Variants in ETV6 observed in about 807,000 individuals in gnomAD.
The protein encoded by ETV6 is transcription factor ETV6.
Under a neutral mutation model 51.1 loss-of-function variants are expected in ETV6, and 16 were observed. The observed-to-expected ratio is 0.31, with a 90% CI of 0.21 to 0.48. The LOEUF (loss-of-function observed/expected upper bound fraction) is 0.48. Among genes scored for constraint, ETV6 ranks in the 20% least tolerant of loss-of-function variants. The pLI is 0.99. For missense variants in ETV6, 458 were observed against 594.8 expected (o/e 0.77, Z 2.39); for synonymous variants, 240 against 224.1 (o/e 1.07, Z -0.64).
At chr12:11,759,029 A>T (rs1945044411) in intron 2 of ETV6, among the ~76,000 whole-genome samples, 1 of 152,138 alleles carries the variant, frequency 6.6e-6, no homozygotes, top group Admixed American at 6.5e-5. Context: ...AACAGCCAGG[A>T]TGCTTTGGAA....
intron 2 of ETV6, among the ~76,000 whole-genome samples, chr12:11,828,099 A>C (rs114725039): frequency 5.1e-4 from 78 of 152,226 alleles, no homozygotes; most frequent in African/African-American, 1.7e-3. Context: ...GCTTCTTTGT[A>C]AGCATACATA....
chr12:11,841,942 C>T (rs371326830), intron 3 of ETV6, among the ~76,000 whole-genome samples: 3 of 151,738 alleles, frequency 2.0e-5, no homozygotes, highest in East Asian at 1.9e-4. Context: ...ATTAGCCGGG[C>T]GTAGTGGCGG....
intron 4 of ETV6, among the ~76,000 whole-genome samples, chr12:11,865,337 T>C (rs1946777368): frequency 6.6e-6 from 1 of 151,542 alleles, no homozygotes; most frequent in Non-Finnish European, 1.5e-5. Flanking sequence ...ACTTGAAAAC[T>C]AGTAGTTCCT....
intron 2 of ETV6, among the ~76,000 whole-genome samples, chr12:11,773,587 C>A (rs939254438): frequency 2.0e-5 from 3 of 152,140 alleles, no homozygotes; most frequent in Non-Finnish European, 4.4e-5. Context: ...AGCTGTGAAC[C>A]CCTTTGAAGG....
intron 7 of ETV6, 101 bp downstream of exon 7, chr12:11,886,127 G>T: frequency 2.5e-6 from 2 of 809,220 alleles, no homozygotes; most frequent in Non-Finnish European, 4.2e-6. Flanking sequence ...CCTGCCTATC[G>T]GATACCCAAA....
At chr12:11,688,393 A>G (rs17745684) in intron 1 of ETV6, among the ~76,000 whole-genome samples, 7,639 of 152,300 alleles carry the variant, frequency 0.05, 233 homozygotes, top group Non-Finnish European at 0.074. Context: ...CTATGGCTCA[A>G]GTTGGGGCTT....
At chr12:11,714,079 A>C (rs1217115248) in intron 1 of ETV6, among the ~76,000 whole-genome samples, 1 of 152,198 alleles carries the variant, frequency 6.6e-6, no homozygotes, top group Non-Finnish European at 1.5e-5. Flanking sequence ...ACTGCACTAG[A>C]ATGCAGGGGC....
At chr12:11,789,083 A>G (rs1480808799) in intron 2 of ETV6, among the ~76,000 whole-genome samples, 1 of 151,950 alleles carries the variant, frequency 6.6e-6, no homozygotes, top group East Asian at 1.9e-4. Flanking sequence ...CCCGGACTGG[A>G]GTGCAGTTGT....
At chr12:11,654,968 A>C (rs781461955) in intron 1 of ETV6, among the ~76,000 whole-genome samples, 2 of 152,210 alleles carry the variant, frequency 1.3e-5, no homozygotes, top group African/African-American at 2.4e-5. Context: ...AAGTAAGTCA[A>C]GGGCAAAAAA....
intron 4 of ETV6, among the ~76,000 whole-genome samples, chr12:11,864,688 G>A (rs1246842152): frequency 1.3e-5 from 2 of 152,054 alleles, no homozygotes; most frequent in Non-Finnish European, 2.9e-5. Context: ...ATGCATTTGG[G>A]TTAAAGTGAG....
intron 1 of ETV6, among the ~76,000 whole-genome samples, chr12:11,736,267 G>C (rs1434638133): frequency 1.3e-5 from 2 of 152,160 alleles, no homozygotes; most frequent in Non-Finnish European, 2.9e-5. Context: ...AGTGTATCAG[G>C]CACTGTTCTT....
chr12:11,742,276 A>G (rs1865824590), intron 1 of ETV6, among the ~76,000 whole-genome samples: 1 of 152,198 alleles, frequency 6.6e-6, no homozygotes, highest in African/African-American at 2.4e-5. Context: ...TTTGCAGGGT[A>G]GTAGTCACCT....
Position 11,697,831 on chromosome 12 carries a change from A to G in ETV6, c.33+47671A>G, listed in dbSNP as rs74062389. 1.2e-3 allele frequency among the ~76,000 whole-genome samples: 177 copies of G among 152,258 alleles called. 1 individual carries two copies. Among genetic ancestry groups the G allele is most frequent in the African/African-American group, 4.1e-3 (169 of 41,560 alleles). ...AACTAAGTTGCATGTGGGCTGTCTA[A>G]TCTGGGCATCTGACTTGTGAATCCT... is the stretch of plus-strand genomic sequence containing the variant. On this transcript the variant is annotated intron_variant, in intron 1 of 7. Transcript: ENST00000396373.
At chr12:11,855,549 C>G (rs1946620631) in intron 4 of ETV6, among the ~76,000 whole-genome samples, 1 of 152,170 alleles carries the variant, frequency 6.6e-6, no homozygotes, top group South Asian at 2.1e-4. Flanking sequence ...GATTGCTCAT[C>G]CCCAAGAGCA....
At chr12:11,666,510 C>A (rs1475383340) in intron 1 of ETV6, among the ~76,000 whole-genome samples, 1 of 152,110 alleles carries the variant, frequency 6.6e-6, no homozygotes, top group Non-Finnish European at 1.5e-5. Context: ...AGAGGGCAGT[C>A]TTAAGAGAGT....
chr12:11,774,519 A>G (rs1285743570), intron 2 of ETV6, among the ~76,000 whole-genome samples: 1 of 152,218 alleles, frequency 6.6e-6, no homozygotes, highest in Non-Finnish European at 1.5e-5. Flanking sequence ...TATAACAAGC[A>G]TGAGCTATAC....
At chr12:11,767,160 G>A (rs987627644) in intron 2 of ETV6, among the ~76,000 whole-genome samples, 17 of 152,130 alleles carry the variant, frequency 1.1e-4, no homozygotes, top group Admixed American at 1.0e-3. Flanking sequence ...TAAATTTAAG[G>A]GCCAGCTCTA....
At chr12:11,744,932 C>G (rs1415741450) in intron 1 of ETV6, among the ~76,000 whole-genome samples, 1 of 151,372 alleles carries the variant, frequency 6.6e-6, no homozygotes, top group African/African-American at 2.4e-5. Context: ...GAGAGAATTT[C>G]ATGGCATGTC....
chr12:11,817,924 C>G (rs1946017261), intron 2 of ETV6, among the ~76,000 whole-genome samples: 1 of 152,192 alleles, frequency 6.6e-6, no homozygotes, highest in Non-Finnish European at 1.5e-5. Context: ...TAGAAGGAGG[C>G]TTCCTGGAAG....
Sources: allele counts gnomAD v4.1 joint callset (sites outside exome capture counted in the v4.1 genomes callset), GRCh38; gene constraint gnomAD v4.1.1; transcripts MANE v1.5; gene names NCBI Gene and HGNC (gene_info 2026-07-23, HGNC 2026-07-21).